Variants in FRMD3 observed in about 807,000 individuals in gnomAD.
The protein encoded by FRMD3 is FERM domain containing 3.
FRMD3 carries 33 observed loss-of-function variants against 70.2 expected under a neutral mutation model. The observed-to-expected ratio is 0.47, with a 90% CI of 0.36 to 0.63. The LOEUF is 0.63. Among genes scored for constraint, FRMD3 ranks in the 20% least tolerant of loss-of-function variants. The pLI, the probability that FRMD3 is intolerant of heterozygous loss-of-function variation, is 0.00. For synonymous variants in FRMD3, 279 were observed against 255.9 expected (o/e 1.09, Z -0.86); for missense variants, 632 against 711.4 (o/e 0.89, Z 1.27).
chr9:83,558,285 C>CGT, the FRMD3 span, among the ~76,000 whole-genome samples: 1 of 151,944 alleles, frequency 6.6e-6, no homozygotes, highest in African/African-American at 2.4e-5. Context: ...TGTGCGCGCG[C>CGT]GCACGCACAT....
rs1329172373 is a variant in FRMD3 at position 83,269,523 on chromosome 9, A to G, written c.1196-21007T>C. 4.6e-5 allele frequency among the ~76,000 whole-genome samples: 7 copies of G among 152,200 alleles called. No homozygotes were observed. In the South Asian group the frequency reaches 6.2e-4, roughly 14 times the overall value. On this transcript the variant is annotated intron_variant, in intron 13 of 13. Transcript: ENST00000304195. ...GGAGTTCAAAACAAGCCTGGCCAAC[A>G]TGGTGAAACCCCATCTCTATTAAAA... is the stretch of plus-strand genomic sequence containing the variant.
the FRMD3 span, among the ~76,000 whole-genome samples, chr9:83,581,948 C>G: frequency 6.6e-6 from 1 of 152,096 alleles, no homozygotes. Flanking sequence ...TGAAAATGTT[C>G]TAAACTTGAT....
At chr9:83,430,987 A>T (rs976359247) in intron 1 of FRMD3, among the ~76,000 whole-genome samples, 1 of 152,222 alleles carries the variant, frequency 6.6e-6, no homozygotes, top group South Asian at 2.1e-4. Context: ...CCCCTCATAT[A>T]AACAATGAGG....
intron 1 of FRMD3, among the ~76,000 whole-genome samples, chr9:83,491,741 A>G (rs144699537): frequency 8.5e-5 from 13 of 152,318 alleles, no homozygotes; most frequent in Non-Finnish European, 1.2e-4. Flanking sequence ...TCTGGTAGGA[A>G]AGGGATTATG....
Position 83,376,671 on chromosome 9 carries a change from G to A in FRMD3, c.253-3716C>T, listed in dbSNP as rs190204254. ...GCCCAGGCTTGTCTCAAAAGCCTGG[G>A]CTCAAGCAATCCTCCCACCTTGGTC... On this transcript the variant is annotated intron_variant, in intron 2 of 13. Coordinates refer to ENST00000304195, the MANE Select transcript of FRMD3 (RefSeq NM_174938.6). 8.3e-3 allele frequency among the ~76,000 whole-genome samples: 1,248 copies of A among 150,910 alleles called. 18 individuals are homozygous for A. Among genetic ancestry groups the A allele is most frequent in the African/African-American group, 0.029 (1,186 of 40,908 alleles).
At chr9:83,454,331 C>A (rs914607965) in intron 1 of FRMD3, among the ~76,000 whole-genome samples, 1 of 152,130 alleles carries the variant, frequency 6.6e-6, no homozygotes, top group Non-Finnish European at 1.5e-5. Context: ...GCAGTAAATG[C>A]CAGTCATTCC....
intron 1 of FRMD3, among the ~76,000 whole-genome samples, chr9:83,512,530 A>G (rs896019775): frequency 1.3e-5 from 2 of 152,200 alleles, no homozygotes; most frequent in African/African-American, 4.8e-5. Flanking sequence ...TGATCCATCC[A>G]CTGATCGCAG....
Position 83,248,480 on chromosome 9 carries a change from G to C in FRMD3, c.1232C>G (p.Pro411Arg), listed in dbSNP as rs376261321. The change falls in exon 14 of 14, where the codon CCC becomes CGC. Residue 411 changes from proline (P) to arginine (R), a missense_variant. Coordinates refer to ENST00000304195, the MANE Select transcript of FRMD3 (RefSeq NM_174938.6). The part of the protein sequence containing the change: ...PLPKEENISA[P>R]LISSSPVKAA... ...CTTCACTGGGGAGCTGGAGATCAAG[G>C]GAGCAGAAATGTTCTCCTCTTTAGG... 1 of 1,612,264 alleles carries C rather than the reference G, an allele frequency of 6.2e-7. No homozygotes were observed. Among genetic ancestry groups the C allele is most frequent in the Non-Finnish European group, 8.5e-7 (1 of 1,179,726 alleles).
At chr9:83,417,766 G>A (rs934289886) in intron 1 of FRMD3, among the ~76,000 whole-genome samples, 1 of 152,180 alleles carries the variant, frequency 6.6e-6, no homozygotes, top group African/African-American at 2.4e-5. Flanking sequence ...ATGCCCAGGG[G>A]AACACCAACA....
chr9:83,297,718 C>T (rs1251906110), intron 12 of FRMD3: 1 of 471,362 alleles, frequency 2.1e-6, no homozygotes, highest in African/African-American at 2.0e-5. Flanking sequence ...CTGTAGTCTT[C>T]TGCTTCTTAC....
chr9:83,351,719 A>AGATAGAT (rs1824169224), intron 3 of FRMD3, among the ~76,000 whole-genome samples: 1 of 151,960 alleles, frequency 6.6e-6, no homozygotes, highest in Non-Finnish European at 1.5e-5. Flanking sequence ...ATAGATAGAT[A>AGATAGAT]GATAGATAGA....
intron 1 of FRMD3, among the ~76,000 whole-genome samples, chr9:83,420,879 T>C (rs1826613781): frequency 6.6e-6 from 1 of 151,540 alleles, no homozygotes; most frequent in African/African-American, 2.4e-5. Context: ...CAGAAGCAAA[T>C]ACTGGTCCCA....
At position 83,529,727 on chromosome 9, in the gene FRMD3, T is replaced by C. The variant is rs1458606064; in HGVS notation, c.147+8358A>G. 2.0e-5 allele frequency among the ~76,000 whole-genome samples: 3 copies of C among 152,266 alleles called. No individual in the cohort carries two copies. The East Asian group carries it at 5.8e-4, about 29-fold the overall frequency. ...AGATATCCCACAGAATGGGAAAAAATATTTGCAAATCACTTATTATATAAA... is the reference window on the plus strand; with the variant it reads ...AGATATCCCACAGAATGGGAAAAAACATTTGCAAATCACTTATTATATAAA... On this transcript the variant is annotated intron_variant, in intron 1 of 13. Transcript: ENST00000304195.
chr9:83,476,943 C>G (rs1828413464), intron 1 of FRMD3, among the ~76,000 whole-genome samples: 1 of 152,146 alleles, frequency 6.6e-6, no homozygotes, highest in African/African-American at 2.4e-5. Flanking sequence ...TCCTTGAGGG[C>G]AGGTGGTGTC....
At chr9:83,383,834 G>A (rs1328683979) in intron 2 of FRMD3, among the ~76,000 whole-genome samples, 1 of 152,152 alleles carries the variant, frequency 6.6e-6, no homozygotes, top group Non-Finnish European at 1.5e-5. Context: ...ATCTCCGTTG[G>A]CTAAGTGACT....
intron 2 of FRMD3, among the ~76,000 whole-genome samples, chr9:83,382,069 T>C (rs1202946100): frequency 6.6e-6 from 1 of 152,056 alleles, no homozygotes; most frequent in Admixed American, 6.6e-5. Flanking sequence ...AAAAAACATG[T>C]ATTACTATTT....
chr9:83,280,066 T>C (rs961714545), intron 13 of FRMD3, among the ~76,000 whole-genome samples: 1 of 152,086 alleles, frequency 6.6e-6, no homozygotes, highest in African/African-American at 2.4e-5. Context: ...TCTAAAACCA[T>C]GTAAATAAGA....
At chr9:83,439,836 C>T (rs1162681377) in intron 1 of FRMD3, among the ~76,000 whole-genome samples, 1 of 152,016 alleles carries the variant, frequency 6.6e-6, no homozygotes, top group African/African-American at 2.4e-5. Flanking sequence ...TAGCAGTAAG[C>T]AGTAAGTAAA....
At chr9:83,373,708 G>A (rs1426180390) in intron 2 of FRMD3, among the ~76,000 whole-genome samples, 1 of 152,070 alleles carries the variant, frequency 6.6e-6, no homozygotes, top group African/African-American at 2.4e-5. Context: ...GGTCCCTGAA[G>A]CTGCTCAGGG....
Sources: gnomAD v4.1 joint callset for allele counts (sites outside exome capture counted in the v4.1 genomes callset) on GRCh38, gnomAD v4.1.1 for gene constraint, MANE v1.5 for transcripts, NCBI Gene and HGNC (gene_info 2026-07-23, HGNC 2026-07-21) for gene names.